Variants in SLC10A7 observed in about 807,000 individuals in gnomAD.
The protein encoded by SLC10A7 is solute carrier family 10 member 7, also known as sodium/bile acid cotransporter 7.
Under a neutral mutation model 43.2 loss-of-function variants are expected in SLC10A7, and 29 were observed. The ratio of observed to expected loss-of-function variants is 0.67; its 90% CI spans 0.50 to 0.92. The LOEUF is 0.92. SLC10A7 is among the 40% of genes least tolerant of loss of function. SLC10A7 has a pLI of 0.00. For missense variants in SLC10A7, 295 were observed against 403.2 expected (o/e 0.73, Z 2.30); for synonymous variants, 152 against 144.8 (o/e 1.05, Z -0.35).
chr4:146,521,561 C>CA, intron 1 of SLC10A7, 57 bp downstream of exon 1: 1 of 1,471,428 alleles, frequency 6.8e-7, no homozygotes, highest in Non-Finnish European at 9.4e-7. Context: ...TTCCAAGACT[C>CA]ACAAATTAGT....
chr4:146,451,242 A>AC lies in SLC10A7; in HGVS notation c.397-8422_397-8421insG, dbSNP rs1560921152. On this transcript the variant is annotated intron_variant, in intron 4 of 11. Coordinates refer to ENST00000335472, the MANE Select transcript of SLC10A7 (RefSeq NM_001029998.6). ...CAGAAGTCTCCCACCAAAAAAAAAA[A>AC]AAAAAAAACAAAAAAAAACCAGGAC... Among the ~76,000 whole-genome samples the AC allele has an allele frequency of 6.5e-3, 969 of 149,158 alleles. 11 individuals carry two copies. The highest frequency in any genetic ancestry group is 0.023 in the African/African-American group (925 of 40,552).
chr4:146,496,553 A>C (rs1045443183), intron 4 of SLC10A7, among the ~76,000 whole-genome samples: 6 of 152,158 alleles, frequency 3.9e-5, no homozygotes, highest in Admixed American at 3.9e-4. Context: ...TCTCACACTC[A>C]GGGGGAAAGC....
chr4:146,277,609 T>C (rs144477734), intron 10 of SLC10A7, among the ~76,000 whole-genome samples: 314 of 152,292 alleles, frequency 2.1e-3, no homozygotes, highest in Admixed American at 4.6e-3. Flanking sequence ...CAAACTGCCT[T>C]TCCTCACAGA....
chr4:146,403,054 T>C (rs1231348006), intron 5 of SLC10A7, among the ~76,000 whole-genome samples: 1 of 152,212 alleles, frequency 6.6e-6, no homozygotes, highest in Non-Finnish European at 1.5e-5. Context: ...TGAGTTGGTA[T>C]ATATAAAGTG....
rs774536534 is a variant in SLC10A7, at chr4:146,294,135, T to A, written c.556-40A>T. On this transcript the variant is annotated intron_variant, in intron 7 of 11. Transcript: ENST00000335472. Reference sequence around the variant, plus strand: ...TCAACAGGTTGCCTCTTTTCAGAGATGGAGGGAGTTGAAATGGGCATCACA... The same window carrying A: ...TCAACAGGTTGCCTCTTTTCAGAGAAGGAGGGAGTTGAAATGGGCATCACA... 2.0e-6 allele frequency: 3 copies of A among 1,475,558 alleles called. No individual in the cohort carries two copies. The Admixed American group carries it at 5.7e-5, about 28-fold the overall frequency. 91.4% of individuals were successfully genotyped at this position (1,475,558 alleles called of 1,614,324 possible). A position where few individuals can be genotyped will look rare whatever the true frequency, so the allele number is the denominator to read the frequency against.
intron 5 of SLC10A7, among the ~76,000 whole-genome samples, chr4:146,357,136 G>A (rs1735712495): frequency 6.6e-6 from 1 of 152,194 alleles, no homozygotes; most frequent in Non-Finnish European, 1.5e-5. Flanking sequence ...GTTCTGAGTA[G>A]TATATGTAAC....
intron 6 of SLC10A7, among the ~76,000 whole-genome samples, chr4:146,320,094 GA>G (rs1732597692): frequency 6.6e-6 from 1 of 152,052 alleles, no homozygotes; most frequent in Non-Finnish European, 1.5e-5. Context: ...GGTGTGAAAT[GA>G]TCCTCTAGAG....
chr4:146,506,149 T>C lies in SLC10A7; in HGVS notation c.321-2225A>G, dbSNP rs371020801. Among the ~76,000 whole-genome samples the C allele has an allele frequency of 1.4e-3, 211 of 152,262 alleles. 10 individuals carry two copies. The South Asian group carries it at 0.042, about 31-fold the overall frequency. ...TTCTATGTGCAAAAAAGCAGAATTC[T>C]CATAGTTTTAAAAAGACAAAAATTT... On this transcript the variant is annotated intron_variant, in intron 3 of 11. Transcript: ENST00000335472.
intron 9 of SLC10A7, among the ~76,000 whole-genome samples, chr4:146,288,009 GCAAGATACGCTTA>G (rs1410814097): frequency 1.3e-5 from 2 of 152,150 alleles, no homozygotes; most frequent in African/African-American, 4.8e-5. Flanking sequence ...GAGGATATTT[GCAAGATACGCTTA>G]CTTGTCCTCT....
In SLC10A7 at chr4:146,340,472, C is replaced by CA. The variant is rs913398899; in HGVS notation, c.436-14477dup. On this transcript the variant is annotated intron_variant, in intron 5 of 11. Coordinates refer to ENST00000335472, the MANE Select transcript of SLC10A7 (RefSeq NM_001029998.6). ...AAAATGCAAAGGCTCTAGCACAAAA[C>CA]AAAAAACAAAATATATATATACACA... is the stretch of plus-strand genomic sequence containing the variant. 2.1e-5 allele frequency among the ~76,000 whole-genome samples: 3 copies of CA among 143,714 alleles called. 1 individual carries two copies. In the South Asian group the frequency reaches 6.7e-4, roughly 32 times the overall value. The allele number at this position is 143,714 out of a possible 152,430, so 94.3% of individuals were successfully genotyped here. A position where few individuals can be genotyped will look rare whatever the true frequency, so the allele number is the denominator to read the frequency against.
In SLC10A7 at chr4:146,474,985, A is replaced by G. The variant is rs183644440; in HGVS notation, c.396+28864T>C. 2.6e-5 allele frequency among the ~76,000 whole-genome samples: 4 copies of G among 152,216 alleles called. No homozygotes were observed. In the East Asian group the frequency reaches 7.7e-4, roughly 29 times the overall value. On this transcript the variant is annotated intron_variant, in intron 4 of 11. Transcript: ENST00000335472. ...ACCTAGAAAGGACCTTCCTTTTCCA[A>G]TGAAAACCATTTGATTCCTAAGAAC...
intron 5 of SLC10A7, among the ~76,000 whole-genome samples, chr4:146,374,097 T>C (rs1466536919): frequency 6.6e-6 from 1 of 152,178 alleles, no homozygotes; most frequent in Non-Finnish European, 1.5e-5. Flanking sequence ...GAGACCTGGG[T>C]TTGGATCTGC....
intron 10 of SLC10A7, among the ~76,000 whole-genome samples, chr4:146,267,108 C>G (rs943382316): frequency 7.9e-5 from 12 of 152,102 alleles, no homozygotes; most frequent in African/African-American, 2.7e-4. Flanking sequence ...GATCATTACA[C>G]AGGGCAGTGG....
chr4:146,448,901 G>C (rs183906617), intron 4 of SLC10A7, among the ~76,000 whole-genome samples: 77 of 152,322 alleles, frequency 5.1e-4, no homozygotes, highest in Middle Eastern at 6.8e-3. Context: ...GTGAAGACCA[G>C]AAATTCCAGA....
At chr4:146,334,559 C>T (rs1213470629) in intron 5 of SLC10A7, among the ~76,000 whole-genome samples, 1 of 151,878 alleles carries the variant, frequency 6.6e-6, no homozygotes, top group African/African-American at 2.4e-5. Flanking sequence ...TTGTTGTTTG[C>T]TTTGTTTTGA....
At chr4:146,347,322 C>A (rs1204327611) in intron 5 of SLC10A7, among the ~76,000 whole-genome samples, 1 of 152,156 alleles carries the variant, frequency 6.6e-6, no homozygotes, top group Non-Finnish European at 1.5e-5. Context: ...TTATATCTAC[C>A]AGCCTTCTCA....
At chr4:146,309,409 T>C (rs1306198917) in intron 6 of SLC10A7, among the ~76,000 whole-genome samples, 1 of 152,094 alleles carries the variant, frequency 6.6e-6, no homozygotes, top group African/African-American at 2.4e-5. Context: ...GGAGGGCTTG[T>C]TAAAACACAG....
rs530155045 is a variant in SLC10A7, at chr4:146,436,220, A to G, written c.435+6563T>C. ...CTACACAAGTCCTGCCAGACAGCATAGAACATTATGCTGCTAAAATGGAAT... is the reference window on the plus strand; with the variant it reads ...CTACACAAGTCCTGCCAGACAGCATGGAACATTATGCTGCTAAAATGGAAT... On this transcript the variant is annotated intron_variant, in intron 5 of 11. Coordinates refer to ENST00000335472, the MANE Select transcript of SLC10A7 (RefSeq NM_001029998.6). Among the ~76,000 whole-genome samples, 3 of 152,282 alleles carry G rather than the reference A, an allele frequency of 2.0e-5. No homozygotes were observed. In the East Asian group the frequency reaches 5.8e-4, roughly 29 times the overall value.
At chr4:146,425,293 C>T (rs377513361) in intron 5 of SLC10A7, among the ~76,000 whole-genome samples, 53 of 152,138 alleles carry the variant, frequency 3.5e-4, no homozygotes, top group East Asian at 2.1e-3. Flanking sequence ...TATAATTAAA[C>T]GGATTAAATA....
Sources: gnomAD v4.1 joint callset for allele counts (sites outside exome capture counted in the v4.1 genomes callset) on GRCh38, gnomAD v4.1.1 for gene constraint, MANE v1.5 for transcripts, NCBI Gene and HGNC (gene_info 2026-07-23, HGNC 2026-07-21) for gene names.